NLRP7: variants seen among roughly 807,000 people sequenced by gnomAD.
NLRP7 encodes the protein NACHT, LRR and PYD domains-containing protein 7.
In NLRP7, 72 loss-of-function variants were observed where a neutral mutation model predicts 85.5. The ratio of observed to expected loss-of-function variants is 0.84; its 90% confidence interval spans 0.70 to 1.02. NLRP7 has a LOEUF of 1.02. Among genes scored for constraint, NLRP7 ranks in the 50% least tolerant of loss-of-function variants. The pLI is 0.00. For synonymous variants in NLRP7, 550 were observed against 505.2 expected, an observed-to-expected ratio of 1.09 and a Z score of -1.19; for missense variants, 1,243 against 1,219.5, an observed-to-expected ratio of 1.02 and a Z score of -0.29.
Position 54,954,372 on chromosome 19 carries a change from T to A in NLRP7, c.-76-6867A>T, listed in dbSNP as rs1215034096. ...AAATCCCATCTCTACTAAAAAAAAA[T>A]ACAACTAATTAGCTGGGTGCGGTGG... is the stretch of plus-strand genomic sequence containing the variant. On this transcript the variant is annotated intron_variant, in intron 1 of 2. Coordinates refer to the NLRP7 transcript ENST00000587103. Among the ~76,000 whole-genome samples, 8 of 138,282 alleles carry A rather than the reference T, an allele frequency of 5.8e-5. 1 individual carries two copies. The highest frequency in any genetic ancestry group is 2.0e-4 in the African/African-American group (7 of 35,698). 90.7% of individuals were successfully genotyped at this position (138,282 alleles called of 152,430 possible). A position where few individuals can be genotyped will look rare whatever the true frequency, so the allele number is the denominator to read the frequency against.
At chr19:54,925,585 C>T (rs948137392) in intron 9 of NLRP7, among the ~76,000 whole-genome samples, 2 of 152,082 alleles carry the variant, frequency 1.3e-5, no homozygotes, top group Non-Finnish European at 2.9e-5. Context: ...ACAGGAGGAT[C>T]GTTTGAAGCC....
chr19:54,939,160 G>T lies in NLRP7; in HGVS notation c.1659C>A (p.Cys553Ter), dbSNP rs765955110. The T allele has an allele frequency of 6.2e-7, 1 of 1,614,252 alleles. No homozygotes were observed. The highest frequency in any genetic ancestry group is 1.1e-5 in the South Asian group (1 of 91,090). Residue 553 changes from cysteine (C) to a stop codon, truncating the protein, a stop_gained, in exon 4 of 10, where the codon TGC (cysteine) becomes TGA (stop). Transcript: ENST00000340844. LOFTEE classifies it high-confidence loss of function. ...GCTTATTTGCATGAAGATGTGCTTT[G>T]CATTGCAGCAATTCCTGTTTGATGT...
chr19:54,951,773 C>G (rs1464060388), upstream of NLRP7, among the ~76,000 whole-genome samples: 1 of 148,712 alleles, frequency 6.7e-6, no homozygotes, highest in Non-Finnish European at 1.5e-5. Context: ...TTTTTTGAGA[C>G]GGAGTCTCGC....
chr19:54,956,730 TATA>T (rs939791314), intron 1 of NLRP7, among the ~76,000 whole-genome samples: 1 of 150,862 alleles, frequency 6.6e-6, no homozygotes, highest in African/African-American at 2.4e-5. Flanking sequence ...GGCTCACGCC[TATA>T]ATATCAGCAC....
At chr19:54,935,694 GAAA>G (rs34297504) in intron 6 of NLRP7, among the ~76,000 whole-genome samples, 1,869 of 106,022 alleles carry the variant, frequency 0.018, 32 homozygotes, top group African/African-American at 0.045. Flanking sequence ...CTGTCTCAAA[GAAA>G]AAAAAAAAAA....
At position 54,934,697 on chromosome 19, in the gene NLRP7, A is replaced by G; in HGVS notation, c.2301-38T>C. 1.9e-6 allele frequency: 3 copies of G among 1,562,448 alleles called. No homozygotes were observed. Among genetic ancestry groups the G allele is most frequent in the Non-Finnish European group, 2.6e-6 (3 of 1,145,018 alleles). ...TGGGAAAAGTCATTCTTCTGGGAGG[A>G]CAGAGTATACCCTATCAGCTTTTTT... On this transcript the variant is annotated intron_variant, in intron 6 of 9. Transcript: ENST00000340844. The surrounding 1 kb of genome is among the most constrained non-coding windows in gnomAD (Gnocchi z 6.7).
At chr19:54,940,505 G>A (rs755099921) in intron 3 of NLRP7, 39 bp from the exon 4 acceptor site, 7 of 1,608,594 alleles carry the variant, frequency 4.4e-6, no homozygotes, top group Non-Finnish European at 5.9e-6. Flanking sequence ...GGTTGATGAT[G>A]ATGATTTTCT....
chr19:54,960,822 C>G (rs1266839164), intron 1 of NLRP7, among the ~76,000 whole-genome samples: 3 of 151,724 alleles, frequency 2.0e-5, no homozygotes, highest in African/African-American at 7.3e-5. Context: ...GTCTCGATCT[C>G]CTGACCTCGT....
At chr19:54,939,851 C>T (rs1285434819) in exon 4 of NLRP7, 1 of 1,613,986 alleles carries the variant, frequency 6.2e-7, no homozygotes, top group Non-Finnish European at 8.5e-7. Flanking sequence ...CTCCAGGAAG[C>T]CCTCCACCCT....
At chr19:54,938,940 C>A (rs201120887) in exon 4 of NLRP7, 4 of 1,613,990 alleles carry the variant, frequency 2.5e-6, no homozygotes, top group Non-Finnish European at 3.4e-6. Flanking sequence ...AGGAACACCC[C>A]CTTTGCTACC....
intron 9 of NLRP7, chr19:54,927,638 A>T (rs1262576291): frequency 2.5e-6 from 4 of 1,614,178 alleles, no homozygotes; most frequent in Non-Finnish European, 3.4e-6. Flanking sequence ...TCTTTGTCTT[A>T]GAACCCCAAA....
chr19:54,931,830 C>CA (rs1471223833), intron 8 of NLRP7, among the ~76,000 whole-genome samples: 1 of 127,998 alleles, frequency 7.8e-6, no homozygotes, highest in Non-Finnish European at 1.6e-5. Context: ...AGCCTGGTGA[C>CA]AGAGAGAGAC....
Position 54,935,929 on chromosome 19 carries a change from G to A in NLRP7, c.2300+332C>T, listed in dbSNP as rs146092578. 8.3e-3 allele frequency among the ~76,000 whole-genome samples: 1,264 copies of A among 152,198 alleles called. 6 individuals carry two copies. Among genetic ancestry groups the A allele is most frequent in the Middle Eastern group, 0.014 (4 of 294 alleles). On this transcript the variant is annotated intron_variant, in intron 6 of 9. Coordinates refer to ENST00000340844, the Ensembl canonical transcript of NLRP7. The stretch of plus-strand genomic sequence containing the variant: ...ACCCGTCTGTGGAAAAAACTGTCTT[G>A]TGCAAAACCGGCCCGCGGTGCAGAA...
chr19:54,924,001 T>C, intron 9 of NLRP7, 129 bp from the exon 11 acceptor site: 3 of 994,752 alleles, frequency 3.0e-6, no homozygotes, highest in Non-Finnish European at 4.6e-6. Context: ...AGGGTCTTGC[T>C]CTGTTGCCCA....
At chr19:54,940,371 C>A in exon 4 of NLRP7, 1 of 1,614,144 alleles carries the variant, frequency 6.2e-7, no homozygotes, top group South Asian at 1.1e-5. Context: ...CTCAGAGTGA[C>A]GTCGTCATGG....
At chr19:54,950,361 A>G (rs1250226624), upstream of NLRP7, among the ~76,000 whole-genome samples, 1 of 152,186 alleles carries the variant, frequency 6.6e-6, no homozygotes, top group African/African-American at 2.4e-5. Context: ...AGAAAGAGAC[A>G]CAGACAAAGT....
At chr19:54,957,660 C>T (rs1322890110) in intron 1 of NLRP7, among the ~76,000 whole-genome samples, 5 of 152,220 alleles carry the variant, frequency 3.3e-5, no homozygotes, top group South Asian at 4.1e-4. Flanking sequence ...ATACTCCTTT[C>T]TGTAGCTCAG....
At chr19:54,935,806 A>G (rs1021618062) in intron 6 of NLRP7, among the ~76,000 whole-genome samples, 4 of 152,086 alleles carry the variant, frequency 2.6e-5, no homozygotes, top group Non-Finnish European at 5.9e-5. Context: ...TCAGGCTCCC[A>G]AAGTGCGAGG....
At chr19:54,931,905 G>A (rs1019466331) in intron 8 of NLRP7, among the ~76,000 whole-genome samples, 2 of 151,830 alleles carry the variant, frequency 1.3e-5, no homozygotes, top group Non-Finnish European at 2.9e-5. Context: ...GCTCTGCCTG[G>A]GACAACAGCT....
Sources: gnomAD v4.1 joint callset for allele counts (sites outside exome capture counted in the v4.1 genomes callset) on GRCh38, gnomAD v4.1.1 for gene constraint, Gnocchi (gnomAD v3.1) non-coding constraint, MANE v1.5 for transcripts, NCBI Gene and HGNC (gene_info 2026-07-23, HGNC 2026-07-21) for gene names.